Variants in PHF11 observed in about 807,000 individuals in gnomAD.
The protein encoded by PHF11 is BRCA1 C-terminus-associated protein.
A neutral mutation model predicts 40.5 loss-of-function variants in PHF11; 38 were observed. The observed-to-expected ratio is 0.94, with a 90% CI of 0.72 to 1.23. The LOEUF is 1.23. Ranked by LOEUF, PHF11 falls within the 50% of genes most tolerant of loss-of-function variation. The pLI is 0.00. For missense variants in PHF11, 369 were observed against 392.4 expected, an observed-to-expected ratio of 0.94 and a Z score of 0.50; for synonymous variants, 127 against 138.2, an observed-to-expected ratio of 0.92 and a Z score of 0.57.
chr13:49,516,394 A>G (rs1343276622), intron 3 of PHF11, among the ~76,000 whole-genome samples: 4 of 151,580 alleles, frequency 2.6e-5, no homozygotes, highest in Non-Finnish European at 5.9e-5. Flanking sequence ...ATGTATTTTT[A>G]AATGAATAAA....
chr13:49,506,881 A>T, intron 2 of PHF11, 125 bp downstream of exon 2: 1 of 459,562 alleles, frequency 2.2e-6, no homozygotes, highest in Non-Finnish European at 3.7e-6. Context: ...CTTTTAGGTG[A>T]AGATTGGGGA....
At chr13:49,523,783 A>G (rs1044812541) in intron 7 of PHF11, 60 of 217,162 alleles carry the variant, frequency 2.8e-4, no homozygotes, top group African/African-American at 1.4e-3. Flanking sequence ...TGTTCCCCAA[A>G]AGGTATTGAA....
At chr13:49,522,011 G>A in intron 5 of PHF11, 32 bp from the exon 6 acceptor site, 2 of 1,049,018 alleles carry the variant, frequency 1.9e-6, no homozygotes, top group Non-Finnish European at 3.0e-6. Flanking sequence ...TTCCTTTATG[G>A]ATTCCAATTT....
chr13:49,512,816 A>G (rs1959096338), intron 2 of PHF11, among the ~76,000 whole-genome samples: 1 of 152,184 alleles, frequency 6.6e-6, no homozygotes, highest in Non-Finnish European at 1.5e-5. Context: ...TCAGGGTTCC[A>G]CCCAGGTCAA....
chr13:49,504,816 G>A (rs1424958522), intron 1 of PHF11, among the ~76,000 whole-genome samples: 5 of 151,666 alleles, frequency 3.3e-5, no homozygotes, highest in South Asian at 2.1e-4. Context: ...GATGGTTGCC[G>A]TGTCTGTGTA....
intron 9 of PHF11, chr13:49,527,212 GATGC>G (rs1345499830): frequency 7.9e-5 from 12 of 152,156 alleles, no homozygotes; most frequent in Admixed American, 7.9e-4. Context: ...TCAGCATTAA[GATGC>G]CCTCAAGACA....
intron 1 of PHF11, among the ~76,000 whole-genome samples, chr13:49,504,736 G>A (rs1419624328): frequency 6.6e-6 from 1 of 151,930 alleles, no homozygotes; most frequent in Non-Finnish European, 1.5e-5. Context: ...CATTGAGAAC[G>A]GGCCAGGATG....
intron 1 of PHF11, among the ~76,000 whole-genome samples, chr13:49,501,264 C>T (rs917615910): frequency 6.6e-6 from 1 of 152,086 alleles, no homozygotes; most frequent in Non-Finnish European, 1.5e-5. Context: ...CCGCCTGCCT[C>T]GGCCTCCCAA....
At chr13:49,504,780 A>C (rs1958960951) in intron 1 of PHF11, among the ~76,000 whole-genome samples, 1 of 151,810 alleles carries the variant, frequency 6.6e-6, no homozygotes, top group African/African-American at 2.4e-5. Context: ...AAAGGGGGGA[A>C]AGGTGGGGAA....
intron 2 of PHF11, among the ~76,000 whole-genome samples, chr13:49,510,624 C>T (rs1040438025): frequency 2.0e-5 from 3 of 152,076 alleles, no homozygotes; most frequent in African/African-American, 7.2e-5. Context: ...TACCACCATA[C>T]CCAGCTAATT....
In PHF11 at chr13:49,496,113, G is replaced by T; in HGVS notation, c.94+18G>T. The T allele has an allele frequency of 1.0e-6, 1 of 988,300 alleles. No individual in the cohort carries two copies. The highest frequency in any genetic ancestry group is 3.1e-5 in the South Asian group (1 of 32,484). The allele number at this position is 988,300 out of a possible 1,614,324, so 61.2% of individuals were successfully genotyped here. A position where few individuals can be genotyped will look rare whatever the true frequency, so the allele number is the denominator to read the frequency against. On this transcript the variant is annotated intron_variant, in intron 1 of 9. Coordinates refer to ENST00000378319, the MANE Select transcript of PHF11 (RefSeq NM_001040443.3). ...TCCCACCGGTGTGTACCGCGGGGGC[G>T]GGCGGGCGGGCGGGCGGGGCTGGGC...
chr13:49,496,416 A>C, intron 1 of PHF11: 1 of 1,090,250 alleles, frequency 9.2e-7, no homozygotes. Flanking sequence ...ACCACAACCG[A>C]TGTCAACTCT....
At chr13:49,518,338 A>C in intron 4 of PHF11, 187 bp downstream of exon 4, 1 of 282,244 alleles carries the variant, frequency 3.5e-6, no homozygotes, top group Non-Finnish European at 6.5e-6. Flanking sequence ...ATATATATAT[A>C]TATTATTTTA....
intron 1 of PHF11, among the ~76,000 whole-genome samples, chr13:49,499,191 GT>G (rs1421359326): frequency 6.6e-6 from 1 of 152,184 alleles, no homozygotes; most frequent in Non-Finnish European, 1.5e-5. Context: ...CAGCCTCTCA[GT>G]TTTTACATCT....
At chr13:49,500,008 A>G (rs1958878191) in intron 1 of PHF11, among the ~76,000 whole-genome samples, 1 of 152,190 alleles carries the variant, frequency 6.6e-6, no homozygotes, top group Admixed American at 6.5e-5. Context: ...TAGAAGCTAG[A>G]GCCTCGGCAA....
Position 49,525,339 on chromosome 13 carries a change from C to T in PHF11, c.770-1048C>T, listed in dbSNP as rs572828533. ...CTCAGCTCATTGCAACCTCTGCCTC[C>T]AGGGTTTAAGTGATTCTCTTGCCTT... On this transcript the variant is annotated intron_variant, in intron 8 of 9. Transcript: ENST00000378319. Among the ~76,000 whole-genome samples the T allele has an allele frequency of 3.3e-5, 5 of 152,294 alleles. No homozygotes were observed. In the South Asian group the frequency reaches 1.0e-3, roughly 32 times the overall value.
At chr13:49,518,970 G>A (rs1959174671) in intron 4 of PHF11, 1 of 151,340 alleles carries the variant, frequency 6.6e-6, no homozygotes, top group African/African-American at 2.4e-5. Flanking sequence ...CGAGTAGCTG[G>A]GACTACAGGC....
chr13:49,519,744 A>G (rs746388303), intron 4 of PHF11, among the ~76,000 whole-genome samples: 50 of 152,220 alleles, frequency 3.3e-4, no homozygotes, highest in Middle Eastern at 3.4e-3. Flanking sequence ...GTTCATCCTG[A>G]TATTTTCAAC....
chr13:49,526,400 C>A lies in PHF11; in HGVS notation c.783C>A (p.Ile261=), dbSNP rs746222741. 5.0e-6 allele frequency: 8 copies of A among 1,608,256 alleles called. No homozygotes were observed. The highest frequency in any genetic ancestry group is 6.8e-6 in the Non-Finnish European group (8 of 1,174,970). The change falls in exon 9 of 10, where the codon ATC becomes ATA. Residue 261 remains isoleucine, a synonymous_variant. Transcript: ENST00000378319. ...ETTSESDYEE[I]GSALFDCRLF... ...CTCTCCCTCCAGACTATGAAGAAAT[C>A]GGGAGTGCACTTTTTGACTGTAGAT...
Sources: gnomAD v4.1 joint callset for allele counts (sites outside exome capture counted in the v4.1 genomes callset) on GRCh38, gnomAD v4.1.1 for gene constraint, MANE v1.5 for transcripts, NCBI Gene and HGNC (gene_info 2026-07-23, HGNC 2026-07-21) for gene names.